Variants in SSUH2 observed in about 807,000 individuals in gnomAD.
SSUH2 encodes the protein protein SSUH2 homolog.
SSUH2 carries 47 observed loss-of-function variants against 55.3 expected under a neutral mutation model. That is an observed-to-expected ratio of 0.85 (90% CI 0.67 to 1.08). The LOEUF (loss-of-function observed/expected upper bound fraction) is 1.08, where lower values mean the gene tolerates loss of function less well. SSUH2 is among the 50% of genes least tolerant of loss of function. SSUH2 has a pLI of 0.00. For synonymous variants in SSUH2, 212 were observed against 191.5 expected, an observed-to-expected ratio of 1.11 and a Z score of -0.89; for missense variants, 535 against 490.7, an observed-to-expected ratio of 1.09 and a Z score of -0.85.
At chr3:8,637,242 C>T (rs1426644076) in intron 1 of SSUH2, among the ~76,000 whole-genome samples, 1 of 152,152 alleles carries the variant, frequency 6.6e-6, no homozygotes, top group African/African-American at 2.4e-5. Context: ...GGGACATAAC[C>T]CCACTGTAGG....
Position 8,619,945 on chromosome 3 carries a change from A to G in SSUH2, c.1051T>C (p.Tyr351His), listed in dbSNP as rs757943027. 79 of 1,614,192 alleles carry G rather than the reference A, an allele frequency of 4.9e-5. 4 individuals carry two copies. The South Asian group carries it at 8.7e-4, about 18-fold the overall frequency. Residue 351 changes from tyrosine (Y) to histidine (H), a missense_variant, in exon 12 of 12, where the codon TAC becomes CAC. Physicochemically the swap from Tyr to His is moderately conservative, Grantham distance 83. Transcript: ENST00000544814. Reference protein sequence around the residue: ...YWYQGKTYVYYIYGTDHQVYA... With the variant: ...YWYQGKTYVYHIYGTDHQVYA... The stretch of plus-strand genomic sequence containing the variant: ...ACCTGGTGGTCAGTGCCATAGATGT[A>G]GTAGACATAAGTCTTTCCTTGGTAC...
chr3:8,622,666 C>T (rs1031690444), intron 11 of SSUH2, among the ~76,000 whole-genome samples: 3 of 152,204 alleles, frequency 2.0e-5, no homozygotes, highest in African/African-American at 7.2e-5. Flanking sequence ...CAAGATGATC[C>T]GTATTCATGT....
At chr3:8,678,942 C>CG (rs1559567910) in intron 2 of SSUH2, among the ~76,000 whole-genome samples, 4 of 114,846 alleles carry the variant, frequency 3.5e-5, no homozygotes, top group African/African-American at 8.8e-5. Flanking sequence ...CCACTCTTCC[C>CG]CTCCTGGCTC....
intron 2 of SSUH2, among the ~76,000 whole-genome samples, chr3:8,678,559 C>T (rs1575410664): frequency 8.6e-6 from 1 of 116,174 alleles, no homozygotes; most frequent in Non-Finnish European, 1.9e-5. Flanking sequence ...TCTTAGGACC[C>T]CAATCACAGA....
chr3:8,651,927 C>G (rs1329605596), intron 7 of SSUH2: 3 of 152,544 alleles, frequency 2.0e-5, no homozygotes, highest in Non-Finnish European at 4.4e-5. Context: ...ACTACACACA[C>G]CTCCTGCCAA....
intron 1 of SSUH2, 88 bp from the exon 2 acceptor site, chr3:8,635,945 G>T: frequency 8.4e-7 from 1 of 1,186,398 alleles, no homozygotes; most frequent in Non-Finnish European, 1.2e-6. Flanking sequence ...TAGGGCGGGT[G>T]CATTATAAAA....
At chr3:8,660,425 T>G (rs370069) in intron 6 of SSUH2, among the ~76,000 whole-genome samples, 118,762 of 152,060 alleles carry the variant, frequency 0.78, 46,583 homozygotes, top group East Asian at 0.85. Context: ...AACAGGCAAG[T>G]CAAGGGTTAA....
At chr3:8,638,663 A>G (rs1334645828) in intron 1 of SSUH2, among the ~76,000 whole-genome samples, 1 of 152,220 alleles carries the variant, frequency 6.6e-6, no homozygotes, top group East Asian at 1.9e-4. Context: ...AAGCAATGAG[A>G]CAATGTGTGC....
rs115112571 is a variant in SSUH2 at position 8,620,806 on chromosome 3, C to T, written c.982-792G>A. On this transcript the variant is annotated intron_variant, in intron 11 of 11. Transcript: ENST00000544814. The stretch of plus-strand genomic sequence containing the variant: ...AAACAACCACAGAGGTATTAGGAAG[C>T]GGTTTCTAACATTTGAATCAAATTT... 3.7e-3 allele frequency among the ~76,000 whole-genome samples: 560 copies of T among 152,286 alleles called. 6 individuals carry two copies. Among genetic ancestry groups the T allele is most frequent in the African/African-American group, 0.013 (526 of 41,552 alleles).
At chr3:8,636,701 C>A (rs1699983003) in intron 1 of SSUH2, among the ~76,000 whole-genome samples, 1 of 152,166 alleles carries the variant, frequency 6.6e-6, no homozygotes, top group Admixed American at 6.5e-5. Flanking sequence ...TCTCCCTTCA[C>A]AAACGTCAGA....
chr3:8,648,970 C>G (rs1036534370), upstream of SSUH2, among the ~76,000 whole-genome samples: 1 of 152,128 alleles, frequency 6.6e-6, no homozygotes, highest in African/African-American at 2.4e-5. Flanking sequence ...AGAACCTCAT[C>G]TCCAGCACCT....
intron 3 of SSUH2, among the ~76,000 whole-genome samples, chr3:8,676,898 G>A (rs1189979842): frequency 1.4e-5 from 2 of 147,460 alleles, no homozygotes; most frequent in African/African-American, 2.5e-5. Flanking sequence ...CGGGGACAGA[G>A]AGCCAGCCCC....
At position 8,619,941 on chromosome 3, in the gene SSUH2, A is replaced by G; in HGVS notation, c.1055T>C (p.Ile352Thr). 1.2e-6 allele frequency: 2 copies of G among 1,614,164 alleles called. No individual in the cohort carries two copies. The highest frequency in any genetic ancestry group is 1.7e-6 in the Non-Finnish European group (2 of 1,180,018). The part of the protein sequence containing the change: ...WYQGKTYVYY[I>T]YGTDHQVYAV... ...ATACACCTGGTGGTCAGTGCCATAG[A>G]TGTAGTAGACATAAGTCTTTCCTTG... is the stretch of plus-strand genomic sequence containing the variant. The change falls in exon 12 of 12, where the codon ATC becomes ACC. Residue 352 changes from isoleucine (I) to threonine (T), a missense_variant. Ile to Thr is a moderately conservative substitution (Grantham distance 89). Coordinates refer to ENST00000544814, the MANE Select transcript of SSUH2 (RefSeq NM_001256748.3).
rs113668244 is a variant in SSUH2, at chr3:8,656,356, G to A, written c.-307+2569C>T. ...ATTCTTCTAACATACAGGAAATGAG[G>A]CCTCCTGGAACCTCGCTGCTGCCCG... On this transcript the variant is annotated intron_variant, in intron 7 of 18. Coordinates refer to the SSUH2 transcript ENST00000317371. Among the ~76,000 whole-genome samples, 819 of 152,326 alleles carry A rather than the reference G, an allele frequency of 5.4e-3. 6 individuals carry two copies. Among genetic ancestry groups the A allele is most frequent in the African/African-American group, 0.019 (776 of 41,564 alleles).
chr3:8,650,972 C>G (rs898854993), intron 7 of SSUH2, among the ~76,000 whole-genome samples: 2 of 152,202 alleles, frequency 1.3e-5, no homozygotes, highest in East Asian at 3.8e-4. Flanking sequence ...AACAGAGTGG[C>G]TCATTTCCAG....
chr3:8,643,671 G>A (rs750324289), intron 1 of SSUH2, among the ~76,000 whole-genome samples: 1 of 152,200 alleles, frequency 6.6e-6, no homozygotes, highest in Non-Finnish European at 1.5e-5. Flanking sequence ...ACAAGAAAGA[G>A]TGTTATGCCT....
chr3:8,652,376 A>G (rs558366937), intron 7 of SSUH2, among the ~76,000 whole-genome samples: 1 of 152,310 alleles, frequency 6.6e-6, no homozygotes, highest in African/African-American at 2.4e-5. Context: ...CCAATCAGAC[A>G]TCCACAAGTC....
chr3:8,625,659 G>A lies in SSUH2; in HGVS notation c.768-12C>T. 1 of 1,568,424 alleles carries A rather than the reference G, an allele frequency of 6.4e-7. No homozygotes were observed. The highest frequency in any genetic ancestry group is 8.8e-7 in the Non-Finnish European group (1 of 1,138,572). On this transcript the variant is annotated splice_polypyrimidine_tract_variant and intron_variant, in intron 9 of 11. Coordinates refer to ENST00000544814, the MANE Select transcript of SSUH2 (RefSeq NM_001256748.3). ...ACAAGCTGTTCTTCCTGGAGGGAAGGAGGATGAGGGATGAAAGCACACAGT... is the reference window on the plus strand; with the variant it reads ...ACAAGCTGTTCTTCCTGGAGGGAAGAAGGATGAGGGATGAAAGCACACAGT...
chr3:8,672,850 G>C (rs529888558), intron 3 of SSUH2, among the ~76,000 whole-genome samples: 148 of 152,050 alleles, frequency 9.7e-4, no homozygotes, highest in Non-Finnish European at 9.7e-4. Context: ...TGGGAGTAAC[G>C]TCATACGCCA....
Sources: allele counts gnomAD v4.1 joint callset (sites outside exome capture counted in the v4.1 genomes callset), GRCh38; gene constraint gnomAD v4.1.1; transcripts MANE v1.5; gene names NCBI Gene and HGNC (gene_info 2026-07-23, HGNC 2026-07-21).